The following GLIS3 variants were observed in gnomAD, a reference collection of about 807,000 sequenced individuals.
GLIS3 encodes GLIS family zinc finger 3, also known as zinc finger protein GLIS3.
Under a neutral mutation model 78.6 loss-of-function variants are expected in GLIS3, and 53 were observed. The ratio of observed to expected loss-of-function variants is 0.67; its 90% CI spans 0.54 to 0.85. The LOEUF (loss-of-function observed/expected upper bound fraction) is 0.85, where lower values mean the gene tolerates loss of function less well. Ranked by LOEUF, GLIS3 falls within the 40% of genes least tolerant of loss-of-function variation. GLIS3 has a pLI of 0.00. For synonymous variants in GLIS3, 684 were observed against 509.9 expected (o/e 1.34, Z -4.60); for missense variants, 1,703 against 1,231.1 (o/e 1.38, Z -5.74).
intron 4 of GLIS3, among the ~76,000 whole-genome samples, chr9:4,021,382 C>A (rs971733986): frequency 6.6e-6 from 1 of 152,076 alleles, no homozygotes; most frequent in Non-Finnish European, 1.5e-5. Context: ...AAAACCTATC[C>A]TAATCAAACT....
chr9:4,029,820 C>T (rs1003260790), intron 4 of GLIS3, among the ~76,000 whole-genome samples: 1 of 152,034 alleles, frequency 6.6e-6, no homozygotes, highest in Non-Finnish European at 1.5e-5. Flanking sequence ...GTATATATAC[C>T]ACATTTTTTA....
chr9:4,420,526 G>A, the GLIS3 span, among the ~76,000 whole-genome samples: 1 of 152,106 alleles, frequency 6.6e-6, no homozygotes, highest in South Asian at 2.1e-4. Context: ...ATAAACTCGG[G>A]GGTAAGGCAG....
At chr9:4,184,533 C>T (rs1014730533) in intron 2 of GLIS3, among the ~76,000 whole-genome samples, 2 of 152,266 alleles carry the variant, frequency 1.3e-5, no homozygotes, top group African/African-American at 2.4e-5. Flanking sequence ...TCCCCTAATC[C>T]GGGACTGGGA....
chr9:4,361,589 C>A, the GLIS3 span, among the ~76,000 whole-genome samples: 1 of 152,190 alleles, frequency 6.6e-6, no homozygotes, highest in African/African-American at 2.4e-5. Flanking sequence ...GCCTGAGATG[C>A]CAAGATAAAT....
intron 4 of GLIS3, among the ~76,000 whole-genome samples, chr9:4,047,155 T>G (rs968134722): frequency 6.6e-6 from 1 of 152,128 alleles, no homozygotes; most frequent in African/African-American, 2.4e-5. Context: ...TGTTAGTGAG[T>G]GAGTTCTCAT....
At chr9:4,200,822 G>A (rs1205896554) in intron 2 of GLIS3, among the ~76,000 whole-genome samples, 1 of 152,076 alleles carries the variant, frequency 6.6e-6, no homozygotes, top group Admixed American at 6.6e-5. Flanking sequence ...AACGACTCCT[G>A]CCTAACTCGT....
At chr9:4,268,241 CAACT>C (rs970349466) in intron 2 of GLIS3, among the ~76,000 whole-genome samples, 3 of 152,030 alleles carry the variant, frequency 2.0e-5, no homozygotes, top group African/African-American at 7.2e-5. Context: ...ACAACAACAA[CAACT>C]AACATAATGG....
intron 4 of GLIS3, among the ~76,000 whole-genome samples, chr9:4,078,410 T>C (rs569784620): frequency 2.7e-4 from 41 of 152,306 alleles, no homozygotes; most frequent in African/African-American, 9.6e-4. Flanking sequence ...ATTTCTGATC[T>C]ACACAACTCA....
intron 4 of GLIS3, among the ~76,000 whole-genome samples, chr9:4,073,059 C>T (rs992004254): frequency 2.6e-5 from 4 of 151,964 alleles, no homozygotes; most frequent in African/African-American, 7.3e-5. Flanking sequence ...AATTATACAC[C>T]CCTTTTTGGT....
intron 2 of GLIS3, among the ~76,000 whole-genome samples, chr9:4,203,549 A>C (rs1819591370): frequency 6.6e-6 from 1 of 152,218 alleles, no homozygotes; most frequent in Non-Finnish European, 1.5e-5. Context: ...AAAGAAAAGG[A>C]AAAAAACAGA....
rs5896053 is a variant in GLIS3 at position 4,224,721 on chromosome 9, G to GTT, written c.388+61315_388+61316dup. The stretch of plus-strand genomic sequence containing the variant: ...ACTTACCTGTTTTTCATCTTTTTCT[G>GTT]TTTTTTTTTTTTTATTTCTATCTTT... On this transcript the variant is annotated intron_variant, in intron 2 of 10. Transcript: ENST00000381971. Among the ~76,000 whole-genome samples, 784 of 141,868 alleles carry GTT rather than the reference G, an allele frequency of 5.5e-3. 5 individuals carry two copies. Among genetic ancestry groups the GTT allele is most frequent in the South Asian group, 9.0e-3 (41 of 4,554 alleles). 93.1% of individuals were successfully genotyped at this position (141,868 alleles called of 152,430 possible).
At chr9:4,280,697 C>G (rs571931834) in intron 2 of GLIS3, among the ~76,000 whole-genome samples, 1 of 152,190 alleles carries the variant, frequency 6.6e-6, no homozygotes, top group South Asian at 2.1e-4. Flanking sequence ...AGGAACAGAT[C>G]TGGGAGGAGT....
At chr9:4,141,841 C>T (rs781475271) in intron 2 of GLIS3, among the ~76,000 whole-genome samples, 1 of 152,220 alleles carries the variant, frequency 6.6e-6, no homozygotes. Context: ...TCTCAACACA[C>T]AGGCAATCTG....
At chr9:4,360,206 C>A in the GLIS3 span, among the ~76,000 whole-genome samples, 1 of 152,114 alleles carries the variant, frequency 6.6e-6, no homozygotes, top group Non-Finnish European at 1.5e-5. Flanking sequence ...ACCGCCTGAC[C>A]CACCTGTGGC....
At chr9:4,124,398 C>A (rs1832412585) in intron 3 of GLIS3, among the ~76,000 whole-genome samples, 1 of 152,208 alleles carries the variant, frequency 6.6e-6, no homozygotes, top group South Asian at 2.1e-4. Flanking sequence ...TGTGCCCTGA[C>A]TACTGTCAGT....
chr9:3,908,706 G>GGT (rs1823892779), intron 6 of GLIS3, among the ~76,000 whole-genome samples: 1 of 85,554 alleles, frequency 1.2e-5, no homozygotes, highest in Non-Finnish European at 2.0e-5. Flanking sequence ...ATTTGTATTT[G>GGT]TTTTTTTTTT....
chr9:3,919,716 T>C (rs903947727), intron 6 of GLIS3, among the ~76,000 whole-genome samples: 5 of 151,416 alleles, frequency 3.3e-5, no homozygotes, highest in African/African-American at 7.3e-5. Flanking sequence ...ATACCCCAAC[T>C]GGATGGTACT....
intron 2 of GLIS3, among the ~76,000 whole-genome samples, chr9:4,227,144 G>C (rs1204936906): frequency 1.3e-5 from 2 of 152,120 alleles, no homozygotes; most frequent in Admixed American, 1.3e-4. Flanking sequence ...TGGAGCCTCA[G>C]GTCTTGCTGC....
At chr9:4,364,746 TCA>T in the GLIS3 span, among the ~76,000 whole-genome samples, 1 of 139,886 alleles carries the variant, frequency 7.1e-6, no homozygotes, top group Non-Finnish European at 1.5e-5. Flanking sequence ...CATGCTGTCA[TCA>T]TGTATTGCTT....
Sources: gnomAD v4.1 joint callset for allele counts (sites outside exome capture counted in the v4.1 genomes callset) on GRCh38, gnomAD v4.1.1 for gene constraint, MANE v1.5 for transcripts, NCBI Gene and HGNC (gene_info 2026-07-23, HGNC 2026-07-21) for gene names.